Variants in NXPE1 observed in about 807,000 individuals in gnomAD.
The protein encoded by NXPE1 is NXPE family member 1.
NXPE1 carries 31 observed loss-of-function variants against 33.3 expected under a neutral mutation model. The observed-to-expected ratio is 0.93, with a 90% CI of 0.70 to 1.26. NXPE1 has a LOEUF of 1.26. Among genes scored for constraint, NXPE1 ranks in the 50% most tolerant of loss-of-function variants. NXPE1 has a pLI of 0.00. For missense variants in NXPE1, 661 were observed against 655.6 expected, an observed-to-expected ratio of 1.01 and a Z score of -0.09; for synonymous variants, 229 against 231.4, an observed-to-expected ratio of 0.99 and a Z score of 0.09.
At chr11:114,547,275 C>T (rs1430797710) in intron 5 of NXPE1, among the ~76,000 whole-genome samples, 3 of 152,168 alleles carry the variant, frequency 2.0e-5, no homozygotes, top group Admixed American at 2.0e-4. Context: ...TGGAAGACCA[C>T]TTAGCTCTGT....
chr11:114,558,096 C>G (rs1297243310), intron 1 of NXPE1, among the ~76,000 whole-genome samples: 1 of 151,976 alleles, frequency 6.6e-6, no homozygotes, highest in Non-Finnish European at 1.5e-5. Context: ...TCTAGCTTTT[C>G]TAGTTGCTCT....
At chr11:114,533,316 A>G (rs1947655626) in intron 5 of NXPE1, among the ~76,000 whole-genome samples, 1 of 152,196 alleles carries the variant, frequency 6.6e-6, no homozygotes, top group Non-Finnish European at 1.5e-5. Flanking sequence ...TGGAGCCAAG[A>G]TGGCAGAATA....
intron 5 of NXPE1, among the ~76,000 whole-genome samples, chr11:114,543,847 A>G (rs1348815120): frequency 1.3e-5 from 2 of 152,220 alleles, no homozygotes; most frequent in Non-Finnish European, 2.9e-5. Context: ...CAAAGAATCT[A>G]TAGAAAATTC....
At chr11:114,527,875 TTCA>T (rs778409669) in exon 7 of NXPE1, 4 of 1,605,092 alleles carry the variant, frequency 2.5e-6, no homozygotes, top group Non-Finnish European at 3.4e-6. Flanking sequence ...TTTACGATCC[TTCA>T]TCATTTCAAC....
downstream of NXPE1, among the ~76,000 whole-genome samples, chr11:114,519,290 A>G (rs1947152927): frequency 6.6e-6 from 1 of 152,194 alleles, no homozygotes; most frequent in Admixed American, 6.5e-5. Context: ...AGTACATTTC[A>G]CTATCATATG....
chr11:114,538,070 C>T (rs1246359995), intron 5 of NXPE1, among the ~76,000 whole-genome samples: 2 of 152,052 alleles, frequency 1.3e-5, no homozygotes, highest in Non-Finnish European at 2.9e-5. Context: ...GGTACTGGTA[C>T]CAAAACAGAG....
chr11:114,522,283 T>G (rs1302262534), exon 9 of NXPE1: 1 of 1,614,086 alleles, frequency 6.2e-7, no homozygotes, highest in Non-Finnish European at 8.5e-7. Context: ...TGGGAAATGG[T>G]CTAAAGTGCT....
At chr11:114,536,428 A>T (rs1947827544) in intron 5 of NXPE1, among the ~76,000 whole-genome samples, 1 of 152,242 alleles carries the variant, frequency 6.6e-6, no homozygotes, top group Non-Finnish European at 1.5e-5. Context: ...GAAATAACTA[A>T]GATCAGAGCA....
chr11:114,522,380 T>A lies in NXPE1; in HGVS notation c.1232A>T (p.Tyr411Phe), dbSNP rs200811586. 8.7e-6 allele frequency: 14 copies of A among 1,614,028 alleles called. No individual in the cohort carries two copies. The Admixed American group carries it at 1.8e-4, about 21-fold the overall frequency. The change falls in exon 9 of 9, where the codon TAC (tyrosine) becomes TTC (phenylalanine). Residue 411 changes from tyrosine to phenylalanine, a missense_variant. By Grantham distance (22) the Tyr-to-Phe change is conservative. Coordinates refer to ENST00000534921, the Ensembl canonical transcript of NXPE1. ...GATATAATCATGATCTATCAGAGAG[T>A]AGAGCTGGAAAGTGACGAAGGGATA...
intron 5 of NXPE1, among the ~76,000 whole-genome samples, chr11:114,531,574 T>C (rs990378666): frequency 7.9e-5 from 12 of 152,198 alleles, no homozygotes; most frequent in Non-Finnish European, 7.3e-5. Flanking sequence ...CTTGTAATTC[T>C]TGGGTAAAAT....
At chr11:114,530,568 G>A (rs1304222341) in exon 6 of NXPE1, 2 of 1,613,982 alleles carry the variant, frequency 1.2e-6, no homozygotes, top group African/African-American at 2.7e-5. Context: ...TGCCGTCAGT[G>A]CTGGGGAGGA....
intron 5 of NXPE1, among the ~76,000 whole-genome samples, chr11:114,533,914 G>C (rs1236600230): frequency 3.9e-5 from 6 of 152,354 alleles, no homozygotes; most frequent in East Asian, 1.9e-4. Flanking sequence ...AAATGTCCCT[G>C]TCTGACAGCT....
chr11:114,524,973 G>A (rs143134338), intron 7 of NXPE1, among the ~76,000 whole-genome samples: 163 of 152,178 alleles, frequency 1.1e-3, no homozygotes, highest in African/African-American at 3.6e-3. Flanking sequence ...AGTGTTTCTT[G>A]TATAACAGCA....
At chr11:114,557,668 TATATAA>T (rs1365977825) in intron 1 of NXPE1, among the ~76,000 whole-genome samples, 185 of 107,748 alleles carry the variant, frequency 1.7e-3, no homozygotes, top group African/African-American at 5.9e-3. Context: ...TATATATATA[TATATAA>T]AATCCTTGTT....
chr11:114,530,748 C>G, exon 6 of NXPE1: 8 of 1,614,180 alleles, frequency 5.0e-6, no homozygotes, highest in Admixed American at 1.7e-5. Flanking sequence ...GGTGAAAGGT[C>G]TGGGTGGGAT....
intron 6 of NXPE1, 62 bp downstream of exon 6, chr11:114,530,113 G>A (rs1280764394): frequency 3.3e-6 from 5 of 1,493,060 alleles, no homozygotes; most frequent in Non-Finnish European, 4.5e-6. Flanking sequence ...AATGGGCAAT[G>A]TAGCTCTGAC....
intron 8 of NXPE1, 32 bp from the exon 9 acceptor site, chr11:114,522,535 G>T (rs374656458): frequency 4.0e-6 from 6 of 1,487,016 alleles, no homozygotes; most frequent in Non-Finnish European, 5.5e-6. Flanking sequence ...GTTTTAAATA[G>T]AAGATAATGG....
intron 7 of NXPE1, chr11:114,526,478 G>A (rs1947373659): frequency 1.5e-5 from 1 of 66,176 alleles, no homozygotes; most frequent in South Asian, 4.5e-4. Flanking sequence ...GTTAAATTGT[G>A]AATTTGCATT....
chr11:114,539,776 AC>A lies in NXPE1; in HGVS notation c.100-8869del, dbSNP rs201361568. Among the ~76,000 whole-genome samples the A allele has an allele frequency of 4.7e-3, 718 of 152,296 alleles. 3 individuals are homozygous for A. The highest frequency in any genetic ancestry group is 8.1e-3 in the Non-Finnish European group (554 of 68,026). ...GTAAAGTGCAATATCAGTCAAATAA[AC>A]CAATCAAAAGAAGTAGATACCTTAG... On this transcript the variant is annotated intron_variant, in intron 5 of 8. Coordinates refer to ENST00000534921, the Ensembl canonical transcript of NXPE1.
Sources: gnomAD v4.1 joint callset for allele counts (sites outside exome capture counted in the v4.1 genomes callset) on GRCh38, gnomAD v4.1.1 for gene constraint, MANE v1.5 for transcripts, NCBI Gene and HGNC (gene_info 2026-07-23, HGNC 2026-07-21) for gene names.